Variants in UBE2D4 observed in about 807,000 individuals in gnomAD.
UBE2D4 encodes ubiquitin-conjugating enzyme E2 D4.
Under a neutral mutation model 23.0 loss-of-function variants are expected in UBE2D4, and 17 were observed. That is an observed-to-expected ratio of 0.74 (90% CI 0.51 to 1.11). The LOEUF (loss-of-function observed/expected upper bound fraction) is 1.11, where lower values mean the gene tolerates loss of function less well. UBE2D4 is among the 50% of genes least tolerant of loss of function. The pLI, the probability that UBE2D4 is intolerant of heterozygous loss-of-function variation, is 0.00. For missense variants in UBE2D4, 139 were observed against 181.8 expected (o/e 0.76, Z 1.35); for synonymous variants, 61 against 69.4 (o/e 0.88, Z 0.60).
In UBE2D4 at chr7:43,928,421, C is replaced by CTT. The variant is rs11296219; in HGVS notation, c.24+1878_24+1879dup. Among the ~76,000 whole-genome samples, 390 of 146,506 alleles carry CTT rather than the reference C, an allele frequency of 2.7e-3. 4 individuals carry two copies. The highest frequency in any genetic ancestry group is 6.0e-3 in the African/African-American group (237 of 39,698). ...TTACAGGATCTCTGAGAGTATGACTCTTTTTTTTTTTTTTAAATAAATAGC... is the reference window on the plus strand; with the variant it reads ...TTACAGGATCTCTGAGAGTATGACTCTTTTTTTTTTTTTTTTAAATAAATAGC... On this transcript the variant is annotated intron_variant, in intron 1 of 6. Transcript: ENST00000222402.
At chr7:43,926,636 A>G (rs2095931415) in intron 1 of UBE2D4, 80 bp downstream of exon 1, 1 of 1,423,416 alleles carries the variant, frequency 7.0e-7, no homozygotes, top group Non-Finnish European at 9.4e-7. Context: ...CGTGAAGTGA[A>G]AGGTGACGGA....
At chr7:43,927,560 C>A (rs1199163757) in intron 1 of UBE2D4, among the ~76,000 whole-genome samples, 1 of 152,150 alleles carries the variant, frequency 6.6e-6, no homozygotes, top group Admixed American at 6.5e-5. Context: ...TTGCCTCTGC[C>A]TCCTAAAGTG....
At chr7:43,939,406 A>C (rs1363448361) in intron 2 of UBE2D4, among the ~76,000 whole-genome samples, 1 of 152,256 alleles carries the variant, frequency 6.6e-6, no homozygotes, top group South Asian at 2.1e-4. Context: ...TGAGCTGCCC[A>C]GCACTAGGGT....
At chr7:43,930,060 C>T (rs991348923) in intron 1 of UBE2D4, among the ~76,000 whole-genome samples, 2 of 152,236 alleles carry the variant, frequency 1.3e-5, no homozygotes, top group South Asian at 2.1e-4. Context: ...GCCTGCTGGA[C>T]ATCTGGGAGT....
chr7:43,950,790 C>T (rs1585890219), intron 6 of UBE2D4, 98 bp downstream of exon 6: 1 of 958,374 alleles, frequency 1.0e-6, no homozygotes, highest in East Asian at 2.5e-5. Flanking sequence ...CTGCAGGTTC[C>T]CACAGACATC....
rs11764341 is a variant in UBE2D4, at chr7:43,927,573, G to A, written c.24+1017G>A. Among the ~76,000 whole-genome samples, 563 of 152,194 alleles carry A rather than the reference G, an allele frequency of 3.7e-3. 1 individual carries two copies. Among genetic ancestry groups the A allele is most frequent in the Middle Eastern group, 0.021 (6 of 292 alleles). ...TCTTGCCTCTGCCTCCTAAAGTGGC[G>A]GGATTACAACGTGAGACACCATGCC... On this transcript the variant is annotated intron_variant, in intron 1 of 6. Transcript: ENST00000222402.
At chr7:43,933,692 C>T (rs1419582188) in intron 1 of UBE2D4, among the ~76,000 whole-genome samples, 3 of 151,990 alleles carry the variant, frequency 2.0e-5, no homozygotes, top group East Asian at 1.9e-4. Flanking sequence ...TGCAGTGAGC[C>T]GAGATGGTGC....
rs1045439 is a variant in UBE2D4 at position 43,953,371 on chromosome 7, T to C, written c.*676T>C. On this transcript the variant is annotated 3_prime_UTR_variant, in exon 7 of 7. Coordinates refer to ENST00000222402, the MANE Select transcript of UBE2D4 (RefSeq NM_015983.4). ...ACCCCATAAGAGATGATTATGTTTT[T>C]AGAAGCAAGAGCAAAATTATGAAAC... 0.12 allele frequency: 41,872 copies of C among 349,874 alleles called. 2,813 individuals carry two copies. Among genetic ancestry groups the C allele is most frequent in the Admixed American group, 0.19 (4,825 of 24,956 alleles). The allele number at this position is 349,874 out of a possible 1,614,324, so 21.7% of individuals were successfully genotyped here.
At chr7:43,936,993 G>A (rs2095960075) in intron 1 of UBE2D4, among the ~76,000 whole-genome samples, 1 of 152,126 alleles carries the variant, frequency 6.6e-6, no homozygotes, top group African/African-American at 2.4e-5. Flanking sequence ...GTTAGTATTC[G>A]AAACTCCTGG....
At position 43,950,696 on chromosome 7, in the gene UBE2D4, C is replaced by T. The variant is rs1367340079; in HGVS notation, c.398+4C>T. 2.2e-5 allele frequency: 35 copies of T among 1,613,052 alleles called. No individual in the cohort carries two copies. The highest frequency in any genetic ancestry group is 2.7e-5 in the Non-Finnish European group (32 of 1,179,092). ...CCTACAAGGCCGACAGAGAGAAGTA[C>T]GTGTCCTCTTTGGGTTGCCTTTGCA... On this transcript the variant is annotated splice_donor_region_variant and intron_variant, in intron 6 of 6. Transcript: ENST00000222402.
At chr7:43,942,094 CA>C (rs1420640652) in intron 2 of UBE2D4, 1 of 152,814 alleles carries the variant, frequency 6.5e-6, no homozygotes, top group African/African-American at 2.4e-5. Flanking sequence ...CATGTGATTT[CA>C]GGTGAGAGCC....
chr7:43,950,622 C>A lies in UBE2D4; in HGVS notation c.328C>A (p.Leu110Ile), dbSNP rs1184351342. The stretch of plus-strand genomic sequence containing the variant: ...AGTTCTCTTGTCCATCTGCTCGCTG[C>A]TCTGCGACCCCAACCCCGATGACCC... ...SKVLLSICSL[L>I]CDPNPDDPLV... is the part of the protein sequence containing the mutation. Residue 110 changes from leucine to isoleucine, a missense_variant, in exon 6 of 7, where the codon CTC becomes ATC. By Grantham distance (5) the Leu-to-Ile change is conservative. Transcript: ENST00000222402. The A allele has an allele frequency of 6.2e-7, 1 of 1,614,226 alleles. No individual in the cohort carries two copies. The highest frequency in any genetic ancestry group is 8.5e-7 in the Non-Finnish European group (1 of 1,180,032).
intron 1 of UBE2D4, among the ~76,000 whole-genome samples, chr7:43,936,523 TC>T (rs1453871517): frequency 2.0e-5 from 3 of 152,126 alleles, no homozygotes; most frequent in Non-Finnish European, 4.4e-5. Context: ...GGTAATAAAT[TC>T]CCATGGTTCA....
At chr7:43,950,901 G>A (rs532866149) in intron 6 of UBE2D4, among the ~76,000 whole-genome samples, 20 of 152,332 alleles carry the variant, frequency 1.3e-4, no homozygotes, top group African/African-American at 4.3e-4. Context: ...GGGAAAAGGA[G>A]ATAAAAGCAG....
intron 1 of UBE2D4, among the ~76,000 whole-genome samples, chr7:43,930,994 T>C (rs1468760459): frequency 1.3e-5 from 2 of 151,898 alleles, no homozygotes; most frequent in African/African-American, 2.4e-5. Context: ...TATGGTGGCA[T>C]GTGCCTGTAA....
At chr7:43,943,321 G>A in intron 4 of UBE2D4, 1 of 540,858 alleles carries the variant, frequency 1.8e-6, no homozygotes, top group African/African-American at 1.9e-5. Flanking sequence ...CCAGGCTCTG[G>A]CTCCCTTCTC....
At position 43,948,668 on chromosome 7, in the gene UBE2D4, A is replaced by T. The variant is rs780968552; in HGVS notation, c.235A>T (p.Asn79Tyr). The change falls in exon 5 of 7, where the codon AAC becomes TAC. Residue 79 changes from asparagine (N) to tyrosine (Y), a missense_variant. Asn to Tyr is a moderately radical substitution (Grantham distance 143, BLOSUM62 -2). Transcript: ENST00000222402. ...AACCAAAATTTATCACCCTAATATC[A>T]ACAGCAATGGCAGCATCTGCCTTGA... is the stretch of plus-strand genomic sequence containing the variant. The part of the protein sequence containing the change: ...FTTKIYHPNI[N>Y]SNGSICLDIL... 3 of 1,613,364 alleles carry T rather than the reference A, an allele frequency of 1.9e-6. No homozygotes were observed. The highest frequency in any genetic ancestry group is 2.5e-6 in the Non-Finnish European group (3 of 1,179,744).
At chr7:43,948,815 G>C in intron 5 of UBE2D4, 78 bp downstream of exon 5, 1 of 1,185,114 alleles carries the variant, frequency 8.4e-7, no homozygotes, top group Non-Finnish European at 1.2e-6. Context: ...GGAAATGGAA[G>C]CTCAGAGAAA....
intron 2 of UBE2D4, chr7:43,942,016 G>A (rs1260155703): frequency 6.6e-6 from 1 of 152,180 alleles, no homozygotes; most frequent in Non-Finnish European, 1.5e-5. Context: ...TCTTTGTTTG[G>A]CTGGAAGCTT....
Sources: allele counts gnomAD v4.1 joint callset (sites outside exome capture counted in the v4.1 genomes callset), GRCh38; gene constraint gnomAD v4.1.1; transcripts MANE v1.5; gene names NCBI Gene and HGNC (gene_info 2026-07-23, HGNC 2026-07-21).